Variants in UGT1A5 observed in about 807,000 individuals in gnomAD.
UGT1A5 encodes the protein UDP-glucuronosyltransferase 1A5.
A neutral mutation model predicts 40.3 loss-of-function variants in UGT1A5; 29 were observed. That is an observed-to-expected ratio of 0.72 (90% CI 0.54 to 0.98). The LOEUF is 0.98. Ranked by LOEUF, UGT1A5 falls within the 50% of genes least tolerant of loss-of-function variation. The pLI is 0.00. For synonymous variants in UGT1A5, 257 were observed against 262.5 expected, an observed-to-expected ratio of 0.98 and a Z score of 0.20; for missense variants, 678 against 677.9, an observed-to-expected ratio of 1.00 and a Z score of 0.00.
chr2:233,719,419 C>A (rs761827245), intron 1 of UGT1A5: 1 of 1,613,996 alleles, frequency 6.2e-7, no homozygotes, highest in Non-Finnish European at 8.5e-7. Flanking sequence ...TTACTAACGA[C>A]CAATTCAGAC....
chr2:233,717,616 G>C (rs555691364), intron 1 of UGT1A5, among the ~76,000 whole-genome samples: 1 of 152,342 alleles, frequency 6.6e-6, no homozygotes, highest in African/African-American at 2.4e-5. Flanking sequence ...ACAGCCCAGA[G>C]AGCCTGCCCA....
chr2:233,734,419 T>C (rs2078523493), intron 1 of UGT1A5, among the ~76,000 whole-genome samples: 1 of 152,186 alleles, frequency 6.6e-6, no homozygotes, highest in African/African-American at 2.4e-5. Flanking sequence ...CTCTCTTTTC[T>C]TCTTTATTAG....
intron 1 of UGT1A5, among the ~76,000 whole-genome samples, chr2:233,720,807 G>C (rs879376102): frequency 6.0e-5 from 9 of 150,156 alleles, no homozygotes; most frequent in Non-Finnish European, 5.9e-5. Context: ...CCGGGTTTAA[G>C]AAATTCTCCC....
Position 233,769,463 on chromosome 2 carries a change from G to A in UGT1A5, c.1307+1024G>A. On this transcript the variant is annotated intron_variant, in intron 4 of 4. Coordinates refer to ENST00000373414, the MANE Select transcript of UGT1A5 (RefSeq NM_019078.2). The surrounding 1 kb of genome is among the most constrained non-coding windows in gnomAD (Gnocchi z 4.4). Reference sequence around the variant, plus strand: ...TGGGTGCACACGTGTGCATTCATATGCGTGTGTGTGTGTGTGCGTGTGTTT... The same window carrying A: ...TGGGTGCACACGTGTGCATTCATATACGTGTGTGTGTGTGTGCGTGTGTTT... 6.3e-7 allele frequency: 1 copy of A among 1,598,098 alleles called. No homozygotes were observed. The highest frequency in any genetic ancestry group is 8.6e-7 in the Non-Finnish European group (1 of 1,168,000).
chr2:233,733,707 C>G (rs1270578849), intron 1 of UGT1A5, among the ~76,000 whole-genome samples: 1 of 152,160 alleles, frequency 6.6e-6, no homozygotes, highest in Non-Finnish European at 1.5e-5. Context: ...ATTTGGTTTG[C>G]AGAATTTTAC....
intron 1 of UGT1A5, among the ~76,000 whole-genome samples, chr2:233,736,093 C>T (rs2125798451): frequency 1.3e-5 from 2 of 152,304 alleles, no homozygotes; most frequent in South Asian, 4.2e-4. Flanking sequence ...TGGATAATAT[C>T]CTGAAGAGTG....
chr2:233,744,959 A>G (rs1028128963), intron 1 of UGT1A5, among the ~76,000 whole-genome samples: 2 of 151,812 alleles, frequency 1.3e-5, no homozygotes, highest in African/African-American at 4.9e-5. Context: ...TAACCTACCA[A>G]TATCCTTCTT....
chr2:233,760,629 G>T (rs1330446381), intron 1 of UGT1A5: 1 of 1,613,986 alleles, frequency 6.2e-7, no homozygotes, highest in Non-Finnish European at 8.5e-7. Context: ...AAACATACAA[G>T]AAAATAAAAA....
At chr2:233,761,033 G>T (rs774774935) in intron 1 of UGT1A5, 1 of 1,614,186 alleles carries the variant, frequency 6.2e-7, no homozygotes, top group South Asian at 1.1e-5. Context: ...GACCTATTGA[G>T]CTCTGCATCT....
rs777947055 is a variant in UGT1A5 at position 233,719,057 on chromosome 2, C to G, written c.867+5199C>G. The G allele has an allele frequency of 2.1e-5, 34 of 1,614,154 alleles. No homozygotes were observed. In the Admixed American group the frequency reaches 2.3e-4, roughly 11 times the overall value. On this transcript the variant is annotated intron_variant, in intron 1 of 4. Transcript: ENST00000373414. ...AAGAGAAATTTTTCACCCTGACAGC[C>G]TATGCTGTTCCATGGACCCAGAAGG...
chr2:233,743,432 G>A (rs779473501), intron 1 of UGT1A5: 7 of 1,356,042 alleles, frequency 5.2e-6, no homozygotes, highest in South Asian at 2.3e-5. Flanking sequence ...CCAAAGGAAC[G>A]AAATCCTGTA....
At chr2:233,715,800 A>G (rs144113297) in intron 1 of UGT1A5, among the ~76,000 whole-genome samples, 21 of 152,308 alleles carry the variant, frequency 1.4e-4, no homozygotes, top group African/African-American at 4.8e-4. Context: ...TTGGAATGTG[A>G]AAATCTTGTT....
intron 1 of UGT1A5, among the ~76,000 whole-genome samples, chr2:233,738,788 G>T (rs1333447117): frequency 6.6e-6 from 1 of 152,238 alleles, no homozygotes; most frequent in Admixed American, 6.5e-5. Flanking sequence ...ATTCAAGCCA[G>T]ATGCAGAAAT....
intron 1 of UGT1A5, chr2:233,760,220 G>T (rs1697349973): frequency 6.3e-7 from 1 of 1,593,686 alleles, no homozygotes; most frequent in Admixed American, 1.7e-5. Context: ...TTGGTGTATC[G>T]ATTGGTTTTT....
At chr2:233,752,961 T>G (rs1695097435) in intron 1 of UGT1A5, among the ~76,000 whole-genome samples, 1 of 152,248 alleles carries the variant, frequency 6.6e-6, no homozygotes, top group African/African-American at 2.4e-5. Context: ...ATGGGATTTA[T>G]GTAACCAATT....
rs745537470 is a variant in UGT1A5, at chr2:233,755,045, G to A, written c.868-11989G>A. ...TGAAGGGCCTGCCGCCTGCGCAGCC[G>A]CCCTCCGCCCTCGCCTCGCCATAGC... On this transcript the variant is annotated intron_variant, in intron 1 of 4. Transcript: ENST00000373414. 1.4e-5 allele frequency: 18 copies of A among 1,325,360 alleles called. No individual in the cohort carries two copies. The East Asian group carries it at 1.4e-4, about 10-fold the overall frequency. 82.1% of individuals were successfully genotyped at this position (1,325,360 alleles called of 1,614,324 possible). A position where few individuals can be genotyped will look rare whatever the true frequency, so the allele number is the denominator to read the frequency against.
intron 1 of UGT1A5, among the ~76,000 whole-genome samples, chr2:233,749,659 C>T (rs1400129008): frequency 6.6e-6 from 1 of 151,752 alleles, no homozygotes. Context: ...AATTGTAATC[C>T]CCATAATCCC....
chr2:233,756,944 AC>A lies in UGT1A5; in HGVS notation c.868-10087del, dbSNP rs34531096. On this transcript the variant is annotated intron_variant, in intron 1 of 4. Transcript: ENST00000373414. ...ATAACCTCTAGTTACATAACCTGAA[AC>A]CCGGACTTGGCACTTGGTAAGCACG... 8.7e-4 allele frequency among the ~76,000 whole-genome samples: 132 copies of A among 152,140 alleles called. 1 individual carries two copies. The East Asian group carries it at 0.024, about 27-fold the overall frequency.
chr2:233,769,680 T>C lies in UGT1A5; in HGVS notation c.1307+1241T>C. On this transcript the variant is annotated intron_variant, in intron 4 of 4. Transcript: ENST00000373414. The surrounding 1 kb of genome is among the most constrained non-coding windows in gnomAD (Gnocchi z 4.4). The stretch of plus-strand genomic sequence containing the variant: ...CACCTTTGAGGTGCTAATGTGTGTG[T>C]GGTGGCACTGGATAAAAGATCAATG... 1 of 1,566,500 alleles carries C rather than the reference T, an allele frequency of 6.4e-7. No individual in the cohort carries two copies. The highest frequency in any genetic ancestry group is 8.7e-7 in the Non-Finnish European group (1 of 1,155,954).
Sources: gnomAD v4.1 joint callset for allele counts (sites outside exome capture counted in the v4.1 genomes callset) on GRCh38, gnomAD v4.1.1 for gene constraint, Gnocchi (gnomAD v3.1) non-coding constraint, MANE v1.5 for transcripts, NCBI Gene and HGNC (gene_info 2026-07-23, HGNC 2026-07-21) for gene names.